Variants in CNTN5 observed in about 807,000 individuals in gnomAD.
CNTN5 encodes the protein contactin-5.
In CNTN5, 77 loss-of-function variants were observed where a neutral mutation model predicts 129.1. The observed-to-expected ratio is 0.60, with a 90% CI of 0.50 to 0.72. CNTN5 has a LOEUF of 0.72. CNTN5 is among the 30% of genes least tolerant of loss of function. CNTN5 has a pLI of 0.00. For missense variants in CNTN5, 1,478 were observed against 1,328.8 expected, an observed-to-expected ratio of 1.11 and a Z score of -1.75; for synonymous variants, 509 against 465.6, an observed-to-expected ratio of 1.09 and a Z score of -1.20.
In CNTN5 at chr11:100,264,112, A is replaced by G. The variant is rs543089909; in HGVS notation, c.2165-6980A>G. 1.4e-4 allele frequency among the ~76,000 whole-genome samples: 22 copies of G among 152,134 alleles called. No individual in the cohort carries two copies. The South Asian group carries it at 1.5e-3, about 10-fold the overall frequency. Reference sequence around the variant, plus strand: ...TATGTATATAAAAACATACATAATCATGTATGTGGAGGATTTAGGCATTTG... The same window carrying G: ...TATGTATATAAAAACATACATAATCGTGTATGTGGAGGATTTAGGCATTTG... On this transcript the variant is annotated intron_variant, in intron 17 of 24. Transcript: ENST00000524871.
At chr11:99,248,804 G>A (rs1322345015) in intron 1 of CNTN5, among the ~76,000 whole-genome samples, 1 of 152,052 alleles carries the variant, frequency 6.6e-6, no homozygotes, top group African/African-American at 2.4e-5. Context: ...TGAGGGCTCA[G>A]TTCTGTTCCA....
At chr11:99,290,180 A>C in intron 1 of CNTN5, among the ~76,000 whole-genome samples, 1 of 151,768 alleles carries the variant, frequency 6.6e-6, no homozygotes, top group East Asian at 1.9e-4. Context: ...CACTTTATTT[A>C]GTTCATGTAA....
intron 3 of CNTN5, among the ~76,000 whole-genome samples, chr11:99,717,026 T>C (rs943065410): frequency 2.0e-5 from 3 of 152,094 alleles, no homozygotes; most frequent in Non-Finnish European, 4.4e-5. Context: ...GAAATTACAA[T>C]TGGGCATTCA....
intron 7 of CNTN5, among the ~76,000 whole-genome samples, chr11:99,927,916 G>A (rs1043186130): frequency 1.3e-5 from 2 of 152,118 alleles, no homozygotes; most frequent in Non-Finnish European, 2.9e-5. Context: ...GACAAGGCAA[G>A]TTCCATCCTG....
At chr11:99,710,546 A>G (rs1954932712) in intron 3 of CNTN5, among the ~76,000 whole-genome samples, 1 of 119,676 alleles carries the variant, frequency 8.4e-6, no homozygotes, top group Admixed American at 9.5e-5. Context: ...CCTGCTCTAG[A>G]TTGTGTGTGT....
intron 15 of CNTN5, among the ~76,000 whole-genome samples, chr11:100,204,449 T>C (rs1162285390): frequency 2.0e-5 from 3 of 148,078 alleles, no homozygotes; most frequent in Middle Eastern, 3.2e-3. Context: ...GATCTATAGA[T>C]ATAGATCTGT....
chr11:99,993,432 C>T (rs1939248326), intron 8 of CNTN5, among the ~76,000 whole-genome samples: 1 of 152,070 alleles, frequency 6.6e-6, no homozygotes, highest in Admixed American at 6.6e-5. Context: ...TGGTTCCCAA[C>T]CATTTTGGCA....
intron 2 of CNTN5, among the ~76,000 whole-genome samples, chr11:99,554,024 A>G (rs1266545535): frequency 6.6e-6 from 1 of 151,346 alleles, no homozygotes; most frequent in Admixed American, 6.6e-5. Flanking sequence ...CTTCTTTTAC[A>G]AGAGATTTTA....
At chr11:99,748,075 G>C (rs77639896) in intron 3 of CNTN5, among the ~76,000 whole-genome samples, 2,788 of 152,168 alleles carry the variant, frequency 0.018, 58 homozygotes, top group Middle Eastern at 0.027. Context: ...CAATCATAGT[G>C]AATTATCCTT....
chr11:99,207,448 A>G (rs1308748144), intron 1 of CNTN5, among the ~76,000 whole-genome samples: 1 of 152,176 alleles, frequency 6.6e-6, no homozygotes, highest in South Asian at 2.1e-4. Context: ...TACCTGCTGG[A>G]TTGCCTGCAA....
intron 13 of CNTN5, among the ~76,000 whole-genome samples, chr11:100,183,376 A>G (rs1948198374): frequency 6.6e-6 from 1 of 152,010 alleles, no homozygotes; most frequent in South Asian, 2.1e-4. Flanking sequence ...ATGGATAAAC[A>G]AATTATGGTA....
chr11:99,784,194 C>T (rs538064835), intron 3 of CNTN5, among the ~76,000 whole-genome samples: 39 of 152,058 alleles, frequency 2.6e-4, no homozygotes, highest in African/African-American at 6.7e-4. Flanking sequence ...GTGCAGAATG[C>T]GCAGGTTTGT....
At chr11:99,688,779 C>T (rs1425266213) in intron 3 of CNTN5, among the ~76,000 whole-genome samples, 1 of 151,942 alleles carries the variant, frequency 6.6e-6, no homozygotes, top group Admixed American at 6.6e-5. Context: ...TCTGACAGGC[C>T]CCAGTGTGTG....
At chr11:100,211,986 A>G (rs1296668979) in intron 15 of CNTN5, among the ~76,000 whole-genome samples, 1 of 152,120 alleles carries the variant, frequency 6.6e-6, no homozygotes, top group East Asian at 1.9e-4. Flanking sequence ...AAATGCTTTA[A>G]AAGGATGACT....
intron 2 of CNTN5, among the ~76,000 whole-genome samples, chr11:99,507,930 C>T (rs117302342): frequency 0.026 from 3,887 of 152,240 alleles, 70 homozygotes; most frequent in Middle Eastern, 0.075. Context: ...CTTTATAAAA[C>T]TTAACTCAAA....
intron 7 of CNTN5, among the ~76,000 whole-genome samples, chr11:99,935,090 T>G (rs1253809888): frequency 4.0e-5 from 6 of 150,890 alleles, no homozygotes; most frequent in Admixed American, 4.0e-4. Context: ...TAGATGTATA[T>G]CTATATCAAT....
At chr11:99,645,717 A>AT (rs1951934231) in intron 3 of CNTN5, among the ~76,000 whole-genome samples, 1 of 152,018 alleles carries the variant, frequency 6.6e-6, no homozygotes, top group Non-Finnish European at 1.5e-5. Flanking sequence ...CAAACACCAC[A>AT]TGATCTCACT....
At chr11:100,231,517 CTAGTT>C (rs1255956442) in intron 16 of CNTN5, among the ~76,000 whole-genome samples, 4 of 152,110 alleles carry the variant, frequency 2.6e-5, no homozygotes, top group East Asian at 1.9e-4. Flanking sequence ...ACCGTATACT[CTAGTT>C]AGTTAGACTA....
chr11:99,989,688 C>G (rs559765401), intron 8 of CNTN5, among the ~76,000 whole-genome samples: 1 of 152,062 alleles, frequency 6.6e-6, no homozygotes, highest in Admixed American at 6.5e-5. Context: ...TAAACATCTA[C>G]TTTTCTTTAA....
Sources: gnomAD v4.1 joint callset for allele counts (sites outside exome capture counted in the v4.1 genomes callset) on GRCh38, gnomAD v4.1.1 for gene constraint, MANE v1.5 for transcripts, NCBI Gene and HGNC (gene_info 2026-07-23, HGNC 2026-07-21) for gene names.